The following DSCAML1 variants were observed in gnomAD, a reference collection of about 807,000 sequenced individuals.
The protein encoded by DSCAML1 is DS cell adhesion molecule like 1, also known as cell adhesion molecule DSCAML1.
In DSCAML1, 38 loss-of-function variants were observed where a neutral mutation model predicts 200.5. That is an observed-to-expected ratio of 0.19 (90% CI 0.15 to 0.25). The LOEUF is 0.25. DSCAML1 is among the 10% of genes least tolerant of loss of function. The pLI, the probability that DSCAML1 is intolerant of heterozygous loss-of-function variation, is 1.00. For missense variants in DSCAML1, 2,223 were observed against 2,858.8 expected, an observed-to-expected ratio of 0.78 and a Z score of 5.07; for synonymous variants, 1,215 against 1,165.0, an observed-to-expected ratio of 1.04 and a Z score of -0.87.
chr11:117,461,548 T>G lies in DSCAML1; in HGVS notation c.3314A>C (p.Asp1105Ala). The change falls in exon 18 of 33, where the codon GAC (aspartate) becomes GCC (alanine). Residue 1105 changes from aspartate to alanine, a missense_variant. Coordinates refer to ENST00000651296, the MANE Select transcript of DSCAML1 (RefSeq NM_020693.4). ...ENVRALSITS[D>A]VAVISWSEPP... The stretch of plus-strand genomic sequence containing the variant: ...CTCTGACCAGGAGATGACGGCCACG[T>G]CAGAAGTGATGGACAGGGCCCGGAC... The G allele has an allele frequency of 6.2e-7, 1 of 1,614,010 alleles. No homozygotes were observed. Among genetic ancestry groups the G allele is most frequent in the Non-Finnish European group, 8.5e-7 (1 of 1,180,020 alleles).
Position 117,428,431 on chromosome 11 carries a change from A to G in DSCAML1, c.6059T>C (p.Met2020Thr). Residue 2020 changes from methionine to threonine, a missense_variant, in exon 33 of 33, where the codon ATG (methionine) becomes ACG (threonine). Physicochemically the swap from Met to Thr is moderately conservative, Grantham distance 81 (BLOSUM62 -1). Coordinates refer to ENST00000651296, the MANE Select transcript of DSCAML1 (RefSeq NM_020693.4). ...GAGAAGCGAGTCCCTGGAGCCCCCC[A>G]TTTTGGTGTGTGGGCCCCCGGCTCG... ...PPRAGGPHTK[M>T]GGSRDSLLEM... The G allele has an allele frequency of 4.6e-6, 7 of 1,537,566 alleles. No homozygotes were observed. Among genetic ancestry groups the G allele is most frequent in the Non-Finnish European group, 4.4e-6 (5 of 1,144,836 alleles).
intron 3 of DSCAML1, among the ~76,000 whole-genome samples, chr11:117,697,963 G>C (rs908071739): frequency 6.6e-6 from 1 of 152,142 alleles, no homozygotes; most frequent in Admixed American, 6.5e-5. Flanking sequence ...GTAGATACGG[G>C]GTTTCACCAT....
chr11:117,599,592 G>A (rs751970966), intron 3 of DSCAML1, among the ~76,000 whole-genome samples: 1 of 152,090 alleles, frequency 6.6e-6, no homozygotes, highest in Non-Finnish European at 1.5e-5. Context: ...TATACCATGT[G>A]AACATATTCA....
chr11:117,797,969 G>T (rs1375074681), upstream of DSCAML1, among the ~76,000 whole-genome samples: 2 of 152,146 alleles, frequency 1.3e-5, no homozygotes, highest in East Asian at 3.8e-4. Context: ...CTGGAGTGAG[G>T]GCGTCTTCTC....
intron 3 of DSCAML1, among the ~76,000 whole-genome samples, chr11:117,534,054 A>G (rs12806865): frequency 0.32 from 48,571 of 152,132 alleles, 8,338 homozygotes; most frequent in South Asian, 0.56. Context: ...ATAGCACCAC[A>G]TGTCAGGCTG....
At chr11:117,775,570 A>G (rs2055116353) in intron 3 of DSCAML1, among the ~76,000 whole-genome samples, 1 of 152,186 alleles carries the variant, frequency 6.6e-6, no homozygotes, top group Non-Finnish European at 1.5e-5. Context: ...AGGAAAAAGT[A>G]CTGAGTGTAA....
intron 3 of DSCAML1, among the ~76,000 whole-genome samples, chr11:117,660,643 G>A (rs12417881): frequency 0.64 from 97,729 of 152,044 alleles, 31,806 homozygotes; most frequent in East Asian, 0.75. Flanking sequence ...TGTAAACAAC[G>A]TAAGTCCCTC....
chr11:117,459,541 T>G (rs1477259131), intron 18 of DSCAML1, among the ~76,000 whole-genome samples: 1 of 152,190 alleles, frequency 6.6e-6, no homozygotes, highest in Non-Finnish European at 1.5e-5. Context: ...AAAGCCTGGG[T>G]GAGTCTGGTG....
chr11:117,576,080 C>T (rs896275350), intron 3 of DSCAML1, among the ~76,000 whole-genome samples: 1 of 152,094 alleles, frequency 6.6e-6, no homozygotes, highest in Non-Finnish European at 1.5e-5. Context: ...GGCTCCTGCC[C>T]TATATCTGCA....
intron 3 of DSCAML1, among the ~76,000 whole-genome samples, chr11:117,570,906 C>G (rs680424): frequency 0.9 from 137,123 of 152,316 alleles, 61,811 homozygotes; most frequent in Middle Eastern, 0.93. Flanking sequence ...AGCTCAAAGA[C>G]GAATCAGGAT....
chr11:117,437,363 G>A lies in DSCAML1; in HGVS notation c.4479C>T (p.Ser1493=), dbSNP rs2047940977. 1.3e-5 allele frequency: 21 copies of A among 1,614,204 alleles called. No homozygotes were observed. The highest frequency in any genetic ancestry group is 1.7e-5 in the Non-Finnish European group (20 of 1,180,026). ...CCTGCAGGTTAAGCCGAGCATGCGT[G>A]GAGTTGATGTGGGTGAAGAGGTGTT... The part of the protein sequence containing the change: ...KDQHLFTHIN[S]THARLNLQGW... Residue 1493 remains serine (S), a synonymous_variant, in exon 26 of 33, where the codon TCC becomes TCT. Coordinates refer to ENST00000651296, the MANE Select transcript of DSCAML1 (RefSeq NM_020693.4). The surrounding 1 kb of genome is among the most constrained non-coding windows in gnomAD (Gnocchi z 5.3).
chr11:117,733,902 C>T (rs1335607656), intron 3 of DSCAML1, among the ~76,000 whole-genome samples: 1 of 150,434 alleles, frequency 6.6e-6, no homozygotes, highest in East Asian at 2.0e-4. Context: ...CTGGAGAATT[C>T]ATCTCCCTCT....
intron 3 of DSCAML1, among the ~76,000 whole-genome samples, chr11:117,651,477 G>A (rs1382925536): frequency 2.0e-5 from 3 of 151,956 alleles, no homozygotes; most frequent in East Asian, 1.9e-4. Context: ...AGGCCGAGGC[G>A]GGCAGATCAC....
intron 4 of DSCAML1, among the ~76,000 whole-genome samples, chr11:117,528,141 C>T (rs1238529266): frequency 6.6e-6 from 1 of 152,182 alleles, no homozygotes; most frequent in African/African-American, 2.4e-5. Context: ...TGTGCCCTGC[C>T]TGCCAGATTC....
chr11:117,625,010 G>T (rs1379600257), intron 3 of DSCAML1, among the ~76,000 whole-genome samples: 2 of 152,144 alleles, frequency 1.3e-5, no homozygotes, highest in Non-Finnish European at 2.9e-5. Flanking sequence ...AATTTAATTG[G>T]TCTGGAGTGT....
chr11:117,598,417 G>A (rs899438794), intron 3 of DSCAML1, among the ~76,000 whole-genome samples: 3 of 152,186 alleles, frequency 2.0e-5, no homozygotes, highest in African/African-American at 7.2e-5. Flanking sequence ...GGAAGCATTA[G>A]AACTCAGGTT....
intron 3 of DSCAML1, among the ~76,000 whole-genome samples, chr11:117,581,438 G>A (rs1448271770): frequency 2.0e-5 from 3 of 151,946 alleles, no homozygotes; most frequent in South Asian, 2.1e-4. Context: ...AAACCCCTTC[G>A]TGTCCCTGTT....
At chr11:117,797,325 C>T (rs2055603679), upstream of DSCAML1, 3 of 1,283,118 alleles carry the variant, frequency 2.3e-6, no homozygotes, top group Admixed American at 4.2e-5. Context: ...GTGAGCGCCG[C>T]GCGAGCCCGG....
intron 3 of DSCAML1, among the ~76,000 whole-genome samples, chr11:117,595,374 A>G (rs187835947): frequency 3.3e-5 from 5 of 152,352 alleles, no homozygotes; most frequent in Admixed American, 3.3e-4. Context: ...CCCACCAACA[A>G]GAGATAGACT....
Sources: allele counts gnomAD v4.1 joint callset (sites outside exome capture counted in the v4.1 genomes callset), GRCh38; gene constraint gnomAD v4.1.1; non-coding constraint Gnocchi (gnomAD v3.1); transcripts MANE v1.5; gene names NCBI Gene and HGNC (gene_info 2026-07-23, HGNC 2026-07-21).